DMD: variants seen among roughly 807,000 people sequenced by gnomAD.
DMD encodes dystrophin.
Under a neutral mutation model 330.1 loss-of-function variants are expected in DMD, and 63 were observed. The ratio of observed to expected loss-of-function variants is 0.19; its 90% CI spans 0.16 to 0.24. DMD has a LOEUF of 0.24. DMD is among the 10% of genes least tolerant of loss of function. The pLI is 1.00. For missense variants in DMD, 3,344 were observed against 2,684.1 expected, an observed-to-expected ratio of 1.25 and a Z score of -5.43; for synonymous variants, 1,223 against 959.8, an observed-to-expected ratio of 1.27 and a Z score of -5.07.
At chrX:31,632,252 C>T (rs907102462) in intron 54 of DMD, among the ~76,000 whole-genome samples, 11 of 111,290 alleles carry the variant, frequency 9.9e-5, no homozygotes, top group Admixed American at 8.6e-4. Context: ...TGTTGCTTTC[C>T]GGGGTAAGCC....
Position 32,678,591 on chromosome X carries a change from G to A in DMD, c.960+19279C>T, listed in dbSNP as rs184563049. On this transcript the variant is annotated intron_variant, in intron 9 of 78. Transcript: ENST00000357033. ...TATTTTAATCTCCTAAAATCAAAGGGCAACTGTCCAGGCCAATATGAGTAC... is the reference window on the plus strand; with the variant it reads ...TATTTTAATCTCCTAAAATCAAAGGACAACTGTCCAGGCCAATATGAGTAC... Among the ~76,000 whole-genome samples, 414 of 110,732 alleles carry A rather than the reference G, an allele frequency of 3.7e-3. 5 individuals carry two copies. The highest frequency in any genetic ancestry group is 0.03 in the Admixed American group (314 of 10,330).
intron 60 of DMD, among the ~76,000 whole-genome samples, chrX:31,358,681 T>A (rs1213485291): frequency 8.9e-6 from 1 of 112,857 alleles, no homozygotes; most frequent in Non-Finnish European, 1.9e-5. Flanking sequence ...TTTTTCTTTC[T>A]TTAAAACAGG....
chrX:31,666,220 T>C (rs2081416701), intron 53 of DMD, among the ~76,000 whole-genome samples: 1 of 111,698 alleles, frequency 9.0e-6, no homozygotes, highest in Non-Finnish European at 1.9e-5. Context: ...TCCAGTGCCT[T>C]TTCACGCCAG....
At chrX:31,640,073 G>A (rs1347883646) in intron 54 of DMD, among the ~76,000 whole-genome samples, 5 of 111,993 alleles carry the variant, frequency 4.5e-5, no homozygotes, top group Non-Finnish European at 9.4e-5. Context: ...ACAACCAGCT[G>A]TGACTATCGG....
At chrX:32,639,497 A>G (rs1380617845) in intron 11 of DMD, among the ~76,000 whole-genome samples, 2 of 112,765 alleles carry the variant, frequency 1.8e-5, no homozygotes, top group Admixed American at 9.4e-5. Context: ...TTTAAATCAT[A>G]TAAACATTGG....
rs181417006 is a variant in DMD at position 32,805,921 on chromosome X, C to G, written c.649+3572G>C. On this transcript the variant is annotated intron_variant, in intron 7 of 78. Coordinates refer to ENST00000357033, the MANE Select transcript of DMD (RefSeq NM_004006.3). Reference sequence around the variant, plus strand: ...CACCACCAGGCCTGTCTTACAAGAGCTCCTTCAGGAAGCACTAAATATGGC... The same window carrying G: ...CACCACCAGGCCTGTCTTACAAGAGGTCCTTCAGGAAGCACTAAATATGGC... Among the ~76,000 whole-genome samples, 688 of 111,999 alleles carry G rather than the reference C, an allele frequency of 6.1e-3. 6 individuals are homozygous for G. Among genetic ancestry groups the G allele is most frequent in the African/African-American group, 0.021 (635 of 30,824 alleles).
At chrX:32,783,744 C>T (rs1248562551) in intron 7 of DMD, among the ~76,000 whole-genome samples, 1 of 110,877 alleles carries the variant, frequency 9.0e-6, no homozygotes, top group Admixed American at 9.6e-5. Context: ...GCAAATATGA[C>T]ATCATTTATA....
At chrX:32,331,530 G>A (rs1189896236) in intron 41 of DMD, among the ~76,000 whole-genome samples, 1 of 111,178 alleles carries the variant, frequency 9.0e-6, no homozygotes, top group African/African-American at 3.3e-5. Flanking sequence ...CCTGAAGAAT[G>A]TGCTAAATTT....
chrX:32,451,231 G>T (rs1300523188), intron 26 of DMD, among the ~76,000 whole-genome samples: 1 of 110,605 alleles, frequency 9.0e-6, no homozygotes, highest in African/African-American at 3.3e-5. Context: ...TCTGGGGTCA[G>T]GGCCCAGCAC....
At chrX:31,655,700 A>AT (rs768911337) in intron 54 of DMD, among the ~76,000 whole-genome samples, 1 of 110,516 alleles carries the variant, frequency 9.0e-6, no homozygotes, top group South Asian at 3.9e-4. Context: ...GTTTGGCCCC[A>AT]TTTTTTCTCT....
At chrX:33,200,772 T>C (rs2051214193) in intron 1 of DMD, among the ~76,000 whole-genome samples, 1 of 110,447 alleles carries the variant, frequency 9.1e-6, no homozygotes, top group Non-Finnish European at 1.9e-5. Flanking sequence ...CTTATTTCTA[T>C]AGCTTATCCA....
intron 16 of DMD, among the ~76,000 whole-genome samples, chrX:32,554,933 GAA>G (rs1404368900): frequency 2.7e-4 from 8 of 29,134 alleles, no homozygotes; most frequent in South Asian, 1.2e-3. Context: ...AAGAAAGAAA[GAA>G]AGAAAGAGAG....
intron 1 of DMD, among the ~76,000 whole-genome samples, chrX:33,023,171 C>T (rs953120787): frequency 2.7e-5 from 3 of 111,709 alleles, no homozygotes; most frequent in African/African-American, 9.7e-5. Context: ...TTAAATTCCC[C>T]ATAAATACAT....
intron 7 of DMD, among the ~76,000 whole-genome samples, chrX:32,801,956 T>C (rs947422270): frequency 4.5e-5 from 5 of 111,982 alleles, no homozygotes; most frequent in Non-Finnish European, 7.5e-5. Flanking sequence ...GCCTCCAGCT[T>C]TGTTATTTTT....
intron 2 of DMD, among the ~76,000 whole-genome samples, chrX:33,013,183 C>T (rs1402342856): frequency 1.8e-5 from 2 of 110,803 alleles, no homozygotes; most frequent in Non-Finnish European, 3.8e-5. Flanking sequence ...GTCCTAGCTT[C>T]ATCTCTCCTA....
chrX:32,183,084 G>A lies in DMD; in HGVS notation c.6438+33832C>T, dbSNP rs990618043. 8.9e-5 allele frequency among the ~76,000 whole-genome samples: 10 copies of A among 111,734 alleles called. No individual in the cohort carries two copies. In the East Asian group the frequency reaches 2.2e-3, roughly 25 times the overall value. On this transcript the variant is annotated intron_variant, in intron 44 of 78. Coordinates refer to ENST00000357033, the MANE Select transcript of DMD (RefSeq NM_004006.3). Reference sequence around the variant, plus strand: ...CTGAACACCTTGTCCCAAAGGTACAGCCAGAGTTTGAATCCAAGTCAGTCT... The same window carrying A: ...CTGAACACCTTGTCCCAAAGGTACAACCAGAGTTTGAATCCAAGTCAGTCT...
chrX:31,413,351 T>TA (rs1208160011), intron 60 of DMD, among the ~76,000 whole-genome samples: 1 of 112,582 alleles, frequency 8.9e-6, no homozygotes, highest in Admixed American at 9.4e-5. Flanking sequence ...TTAAAAATCT[T>TA]AAAGGCAGGA....
chrX:33,108,651 G>A (rs932604057), intron 1 of DMD, among the ~76,000 whole-genome samples: 4 of 104,401 alleles, frequency 3.8e-5, no homozygotes, highest in Non-Finnish European at 5.9e-5. Flanking sequence ...CCAGGAGGGC[G>A]GATTACCTGA....
chrX:33,018,689 A>G (rs2093852440), intron 2 of DMD, among the ~76,000 whole-genome samples: 1 of 111,758 alleles, frequency 8.9e-6, no homozygotes, highest in African/African-American at 3.2e-5. Context: ...ATTTGTCTGT[A>G]TGTTTGTTTG....
Sources: gnomAD v4.1 joint callset for allele counts (sites outside exome capture counted in the v4.1 genomes callset) on GRCh38, gnomAD v4.1.1 for gene constraint, MANE v1.5 for transcripts, NCBI Gene and HGNC (gene_info 2026-07-23, HGNC 2026-07-21) for gene names.